The following RAPGEF1 variants were observed in gnomAD, a reference collection of about 807,000 sequenced individuals.
RAPGEF1 encodes CRK SH3-binding GNRP.
A neutral mutation model predicts 143.3 loss-of-function variants in RAPGEF1; 33 were observed. The ratio of observed to expected loss-of-function variants is 0.23; its 90% confidence interval spans 0.17 to 0.31. RAPGEF1 has a LOEUF of 0.31. Ranked by LOEUF, RAPGEF1 falls within the 10% of genes least tolerant of loss-of-function variation. RAPGEF1 has a pLI of 1.00. For synonymous variants in RAPGEF1, 629 were observed against 676.5 expected (o/e 0.93, Z 1.09); for missense variants, 1,199 against 1,645.4 (o/e 0.73, Z 4.69).
intron 1 of RAPGEF1, among the ~76,000 whole-genome samples, chr9:131,712,445 G>C (rs536705897): frequency 6.6e-6 from 1 of 151,452 alleles, no homozygotes; most frequent in African/African-American, 2.4e-5. Flanking sequence ...CTCCTAGCAA[G>C]AGTCAGAGGG....
chr9:131,582,779 T>C (rs1026100447), intron 24 of RAPGEF1, 77 bp from the exon 25 acceptor site: 7 of 1,315,970 alleles, frequency 5.3e-6, no homozygotes, highest in Non-Finnish European at 5.2e-6. Flanking sequence ...GCCCTGGTCC[T>C]CCTCACTAAC....
intron 1 of RAPGEF1, among the ~76,000 whole-genome samples, chr9:131,724,411 C>T (rs766553088): frequency 5.9e-5 from 9 of 152,118 alleles, no homozygotes; most frequent in Non-Finnish European, 7.3e-5. Flanking sequence ...CTGGCTAACA[C>T]GGTGAAACCC....
In RAPGEF1 at chr9:131,621,849, A is replaced by C. The variant is rs1390182147; in HGVS notation, c.1852T>G (p.Ser618Ala). ...GGCGGCGGGGCCAGCTCCTGCACGGAGTCCACCCCACTGAAGGAGTCGCTG... is the reference window on the plus strand; with the variant it reads ...GGCGGCGGGGCCAGCTCCTGCACGGCGTCCACCCCACTGAAGGAGTCGCTG... ...GFSDSFSGVD[S>A]VQELAPPPAL... is the part of the protein sequence containing the mutation. The change falls in exon 11 of 27, where the codon TCC becomes GCC. Residue 618 changes from serine (S) to alanine (A), a missense_variant. Ser to Ala is a moderately conservative substitution (Grantham distance 99). Transcript: ENST00000683357. This position sits in a 1 kb window ranked among gnomAD's most constrained non-coding sequence, Gnocchi z 4.5. The C allele has an allele frequency of 6.2e-7, 1 of 1,611,662 alleles. No homozygotes were observed. The highest frequency in any genetic ancestry group is 1.3e-5 in the African/African-American group (1 of 74,990).
chr9:131,726,249 C>T (rs1338612210), intron 1 of RAPGEF1, among the ~76,000 whole-genome samples: 3 of 152,094 alleles, frequency 2.0e-5, no homozygotes, highest in Non-Finnish European at 4.4e-5. Context: ...AAAGTCAGTA[C>T]AGAGTAAAAG....
chr9:131,737,660 T>A, intron 1 of RAPGEF1: 2 of 1,289,148 alleles, frequency 1.6e-6, no homozygotes, highest in South Asian at 1.6e-5. Flanking sequence ...GACAGGCAAC[T>A]TTTTCCTTTT....
chr9:131,580,545 A>C (rs921954057), intron 25 of RAPGEF1, among the ~76,000 whole-genome samples, 154 bp from the exon 26 acceptor site: 1 of 152,142 alleles, frequency 6.6e-6, no homozygotes, highest in Non-Finnish European at 1.5e-5. Context: ...TCCCAGAACA[A>C]ACTCCCGCCT....
chr9:131,738,357 A>C (rs2131373758), intron 1 of RAPGEF1, among the ~76,000 whole-genome samples: 1 of 152,290 alleles, frequency 6.6e-6, no homozygotes, highest in Non-Finnish European at 1.5e-5. Context: ...ACTATACAAG[A>C]AGTTCCTGAG....
chr9:131,608,375 C>T (rs1415943460), intron 12 of RAPGEF1, among the ~76,000 whole-genome samples: 1 of 152,166 alleles, frequency 6.6e-6, no homozygotes, highest in Non-Finnish European at 1.5e-5. Context: ...ATAGTCTAGG[C>T]ACTGTATTAA....
At chr9:131,681,355 G>A (rs1003786215) in intron 1 of RAPGEF1, among the ~76,000 whole-genome samples, 7 of 152,170 alleles carry the variant, frequency 4.6e-5, no homozygotes, top group Non-Finnish European at 7.3e-5. Context: ...CAAGCTAGAC[G>A]AGGGAGTGAT....
chr9:131,665,324 C>T (rs1830248836), intron 1 of RAPGEF1, among the ~76,000 whole-genome samples: 1 of 152,180 alleles, frequency 6.6e-6, no homozygotes, highest in Non-Finnish European at 1.5e-5. Context: ...CTTGATTCTT[C>T]TCTTTTGCTT....
rs1020122544 is a variant in RAPGEF1, at chr9:131,630,195, T to G, written c.740+41A>C. The G allele has an allele frequency of 2.0e-6, 3 of 1,470,908 alleles. No homozygotes were observed. The African/African-American group carries it at 4.1e-5, about 20-fold the overall frequency. The allele number at this position is 1,470,908 out of a possible 1,614,324, so 91.1% of individuals were successfully genotyped here. A position where few individuals can be genotyped will look rare whatever the true frequency, so the allele number is the denominator to read the frequency against. ...CCTTGTCAAGTGCAGACTTTGCCAC[T>G]GAGCGTGACACCCGCGACACGAGGG... On this transcript the variant is annotated intron_variant, in intron 6 of 26. Transcript: ENST00000683357.
chr9:131,589,600 C>T (rs959399300), intron 19 of RAPGEF1, among the ~76,000 whole-genome samples: 2 of 152,216 alleles, frequency 1.3e-5, no homozygotes, highest in Non-Finnish European at 2.9e-5. Context: ...GAGAGCACGG[C>T]CTGCTGGAGA....
chr9:131,692,055 A>G (rs568714764), intron 1 of RAPGEF1, among the ~76,000 whole-genome samples: 8 of 152,214 alleles, frequency 5.3e-5, no homozygotes, highest in South Asian at 2.1e-4. Flanking sequence ...GTCTGCTCTC[A>G]TAACAGAATA....
chr9:131,727,583 G>A (rs142777262), intron 1 of RAPGEF1, among the ~76,000 whole-genome samples: 1 of 152,260 alleles, frequency 6.6e-6, no homozygotes, highest in East Asian at 1.9e-4. Flanking sequence ...TGGTGATCAT[G>A]ACTCACACGC....
At chr9:131,674,921 A>G (rs1407939004) in intron 1 of RAPGEF1, among the ~76,000 whole-genome samples, 1 of 151,814 alleles carries the variant, frequency 6.6e-6, no homozygotes, top group Non-Finnish European at 1.5e-5. Flanking sequence ...AAGTCTGGAG[A>G]GAGGGGTGGG....
At chr9:131,694,787 T>A (rs1216065079) in intron 1 of RAPGEF1, among the ~76,000 whole-genome samples, 1 of 145,304 alleles carries the variant, frequency 6.9e-6, no homozygotes, top group African/African-American at 2.6e-5. Flanking sequence ...ACTCATCACC[T>A]TCACACTTTC....
In RAPGEF1 at chr9:131,642,349, C is replaced by T. The variant is rs556837250; in HGVS notation, c.494+890G>A. Among the ~76,000 whole-genome samples the T allele has an allele frequency of 2.0e-4, 31 of 152,314 alleles. No individual in the cohort carries two copies. The South Asian group carries it at 5.4e-3, about 26-fold the overall frequency. ...TTTCTCATACCAGAAGCAGGGCTCA[C>T]GAACCCTTGACAAGGTTCCTAATAC... is the stretch of plus-strand genomic sequence containing the variant. On this transcript the variant is annotated intron_variant, in intron 4 of 26. Transcript: ENST00000683357.
chr9:131,645,543 C>T (rs1254980118), intron 3 of RAPGEF1, among the ~76,000 whole-genome samples: 4 of 152,230 alleles, frequency 2.6e-5, no homozygotes, highest in Non-Finnish European at 5.9e-5. Flanking sequence ...AGGCTGCCTC[C>T]GTGAACTCAG....
intron 1 of RAPGEF1, among the ~76,000 whole-genome samples, chr9:131,658,566 T>C (rs541622014): frequency 5.9e-5 from 9 of 152,302 alleles, no homozygotes; most frequent in Admixed American, 5.2e-4. Context: ...TCTGTATAAA[T>C]TGACTGTGAT....
Sources: gnomAD v4.1 joint callset for allele counts (sites outside exome capture counted in the v4.1 genomes callset) on GRCh38, gnomAD v4.1.1 for gene constraint, Gnocchi (gnomAD v3.1) non-coding constraint, MANE v1.5 for transcripts, NCBI Gene and HGNC (gene_info 2026-07-23, HGNC 2026-07-21) for gene names.